Variants in ZNF618 observed in about 807,000 individuals in gnomAD.
ZNF618 encodes the protein neural precursor cell expressed, developmentally down-regulated 10.
ZNF618 carries 34 observed loss-of-function variants against 103.0 expected under a neutral mutation model. The observed-to-expected ratio is 0.33, with a 90% confidence interval of 0.25 to 0.44. The LOEUF is 0.44. Among genes scored for constraint, ZNF618 ranks in the 20% least tolerant of loss-of-function variants. The pLI is 1.00. For missense variants in ZNF618, 1,059 were observed against 1,295.4 expected, an observed-to-expected ratio of 0.82 and a Z score of 2.80; for synonymous variants, 551 against 542.2, an observed-to-expected ratio of 1.02 and a Z score of -0.23.
intron 13 of ZNF618, among the ~76,000 whole-genome samples, chr9:114,037,970 A>G (rs1201486825): frequency 1.3e-5 from 2 of 152,118 alleles, no homozygotes; most frequent in African/African-American, 4.8e-5. Context: ...CTCTAAAGCA[A>G]GGGCCTGAAA....
intron 4 of ZNF618, among the ~76,000 whole-genome samples, chr9:113,998,905 G>A (rs1335713242): frequency 6.6e-6 from 1 of 152,248 alleles, no homozygotes; most frequent in African/African-American, 2.4e-5. Flanking sequence ...TGTATCGTGT[G>A]CCTGCTGTGG....
intron 1 of ZNF618, among the ~76,000 whole-genome samples, chr9:113,941,574 A>G (rs1167052943): frequency 6.6e-6 from 1 of 152,162 alleles, no homozygotes; most frequent in Non-Finnish European, 1.5e-5. Flanking sequence ...TTGCATTTGA[A>G]TTCTAGATCC....
rs752732142 is a variant in ZNF618 at position 114,050,343 on chromosome 9, G to A, written c.*176G>A. On this transcript the variant is annotated 3_prime_UTR_variant, in exon 15 of 15. Transcript: ENST00000374126. ...GTGTGTGTGTGCGTGTATGTACACA[G>A]CCACACGTGTGTGCACGTGTCTGAA... 4 of 711,374 alleles carry A rather than the reference G, an allele frequency of 5.6e-6. No homozygotes were observed. Among genetic ancestry groups the A allele is most frequent in the African/African-American group, 1.8e-5 (1 of 55,990 alleles). The allele number at this position is 711,374 out of a possible 1,614,324, so 44.1% of individuals were successfully genotyped here.
intron 1 of ZNF618, among the ~76,000 whole-genome samples, chr9:113,939,346 A>G (rs993491238): frequency 6.6e-6 from 1 of 152,032 alleles, no homozygotes; most frequent in African/African-American, 2.4e-5. Flanking sequence ...ACTTAGGATG[A>G]TGTCTTTTGG....
At chr9:113,921,746 A>G (rs1832670431) in intron 1 of ZNF618, among the ~76,000 whole-genome samples, 1 of 152,234 alleles carries the variant, frequency 6.6e-6, no homozygotes, top group Non-Finnish European at 1.5e-5. Context: ...TGTCCCACAG[A>G]TCAAATCCTT....
chr9:113,918,037 A>G (rs140170346), intron 1 of ZNF618, among the ~76,000 whole-genome samples: 3 of 152,204 alleles, frequency 2.0e-5, no homozygotes, highest in Admixed American at 6.5e-5. Flanking sequence ...TAGTTGTCTT[A>G]CCTCTTTAGT....
intron 2 of ZNF618, among the ~76,000 whole-genome samples, chr9:113,981,650 A>C (rs554592096): frequency 6.6e-6 from 1 of 152,264 alleles, no homozygotes; most frequent in Admixed American, 6.5e-5. Flanking sequence ...CTCCTCTGAC[A>C]TGCCTGAAAT....
intron 11 of ZNF618, among the ~76,000 whole-genome samples, chr9:114,031,922 A>G (rs1165494065): frequency 6.6e-6 from 1 of 151,952 alleles, no homozygotes; most frequent in Non-Finnish European, 1.5e-5. Flanking sequence ...GGGGTGGGGG[A>G]TAAAAATTCA....
intron 13 of ZNF618, among the ~76,000 whole-genome samples, chr9:114,044,012 C>T (rs1439818586): frequency 6.6e-6 from 1 of 152,174 alleles, no homozygotes; most frequent in Non-Finnish European, 1.5e-5. Flanking sequence ...TCTGTTTACT[C>T]TGCTGATTAT....
chr9:114,045,288 T>C (rs1845558931), intron 13 of ZNF618, among the ~76,000 whole-genome samples: 1 of 152,140 alleles, frequency 6.6e-6, no homozygotes, highest in Non-Finnish European at 1.5e-5. Context: ...CTAACCCAAG[T>C]TCACAAAGAC....
chr9:113,977,218 A>G (rs1348409667), intron 2 of ZNF618, among the ~76,000 whole-genome samples: 1 of 152,182 alleles, frequency 6.6e-6, no homozygotes, highest in Non-Finnish European at 1.5e-5. Flanking sequence ...GCTGGGCAGC[A>G]CTGGGCATCA....
At chr9:114,019,837 CTT>C (rs1842931145) in intron 10 of ZNF618, among the ~76,000 whole-genome samples, 1 of 152,174 alleles carries the variant, frequency 6.6e-6, no homozygotes, top group Non-Finnish European at 1.5e-5. Flanking sequence ...GAACAGATGT[CTT>C]TCATTTTGAT....
intron 1 of ZNF618, among the ~76,000 whole-genome samples, chr9:113,895,688 A>AC (rs1299589363): frequency 1.3e-5 from 2 of 152,098 alleles, no homozygotes; most frequent in Non-Finnish European, 1.5e-5. Context: ...TCATGTGTAA[A>AC]CAATTTAGTG....
intron 1 of ZNF618, among the ~76,000 whole-genome samples, chr9:113,902,204 A>G (rs1280305617): frequency 6.6e-6 from 1 of 152,152 alleles, no homozygotes; most frequent in African/African-American, 2.4e-5. Flanking sequence ...GCAGTTTGCT[A>G]AACCTCTCTG....
At chr9:113,877,929 T>A (rs1401984293) in intron 1 of ZNF618, among the ~76,000 whole-genome samples, 1 of 152,174 alleles carries the variant, frequency 6.6e-6, no homozygotes. Flanking sequence ...TCATTTTTTA[T>A]GACATGCAAC....
intron 1 of ZNF618, among the ~76,000 whole-genome samples, chr9:113,924,013 C>G (rs1832865337): frequency 6.6e-6 from 1 of 152,058 alleles, no homozygotes; most frequent in East Asian, 1.9e-4. Context: ...GCTAAACTTG[C>G]ATTAGAGTAA....
At chr9:113,912,705 C>A (rs925322925) in intron 1 of ZNF618, among the ~76,000 whole-genome samples, 6 of 152,132 alleles carry the variant, frequency 3.9e-5, no homozygotes, top group Admixed American at 1.3e-4. Flanking sequence ...TCGTCTTCCT[C>A]CCCTGTCGTG....
At chr9:113,976,333 AGT>A (rs1189477769) in intron 2 of ZNF618, among the ~76,000 whole-genome samples, 1 of 152,216 alleles carries the variant, frequency 6.6e-6, no homozygotes, top group Non-Finnish European at 1.5e-5. Context: ...GTTAGTTCAG[AGT>A]GTTCAGAATC....
intron 12 of ZNF618, among the ~76,000 whole-genome samples, chr9:114,033,837 T>G (rs1844330457): frequency 1.9e-5 from 2 of 106,872 alleles, no homozygotes; most frequent in Non-Finnish European, 3.6e-5. Flanking sequence ...TGCCAGGCAC[T>G]GGGCTGGGCA....
Sources: allele counts gnomAD v4.1 joint callset (sites outside exome capture counted in the v4.1 genomes callset), GRCh38; gene constraint gnomAD v4.1.1; transcripts MANE v1.5; gene names NCBI Gene and HGNC (gene_info 2026-07-23, HGNC 2026-07-21).